CYBA: variants seen among roughly 807,000 people sequenced by gnomAD.
The protein encoded by CYBA is cytochrome b-245 light chain.
CYBA carries 21 observed loss-of-function variants against 20.8 expected under a neutral mutation model. That is an observed-to-expected ratio of 1.01 (90% CI 0.72 to 1.46). The LOEUF (loss-of-function observed/expected upper bound fraction) is 1.46, where lower values mean the gene tolerates loss of function less well. Ranked by LOEUF, CYBA falls within the 40% of genes most tolerant of loss-of-function variation. The pLI, the probability that CYBA is intolerant of heterozygous loss-of-function variation, is 0.00. For synonymous variants in CYBA, 164 were observed against 127.5 expected (o/e 1.29, Z -1.93); for missense variants, 344 against 287.0 (o/e 1.20, Z -1.43).
At chr16:88,644,550 C>A (rs1274756775) in intron 5 of CYBA, among the ~76,000 whole-genome samples, 1 of 152,226 alleles carries the variant, frequency 6.6e-6, no homozygotes, top group East Asian at 1.9e-4. Flanking sequence ...TCAGGCCGGG[C>A]GCGGTGGCTC....
intron 2 of CYBA, 192 bp downstream of exon 2, chr16:88,647,853 C>T (rs1398379954): frequency 1.2e-5 from 8 of 645,140 alleles, no homozygotes; most frequent in African/African-American, 8.9e-5. Context: ...GCGGGTCTGC[C>T]GCTGATCGCC....
intron 1 of CYBA, among the ~76,000 whole-genome samples, chr16:88,648,703 C>T (rs1244416173): frequency 5.3e-5 from 8 of 151,496 alleles, no homozygotes; most frequent in Non-Finnish European, 1.0e-4. Context: ...CTGCTACCTC[C>T]GCCTCCAGGG....
In CYBA at chr16:88,646,744, C is replaced by T. The variant is rs745863479; in HGVS notation, c.287+11G>A. 1.1e-5 allele frequency: 17 copies of T among 1,611,616 alleles called. No individual in the cohort carries two copies. The highest frequency in any genetic ancestry group is 3.3e-5 in the South Asian group (3 of 91,042). On this transcript the variant is annotated intron_variant, in intron 4 of 5. Transcript: ENST00000261623. ...CCTGAGCCCTAGAGGGGGTGCGGGACGGGGACTCACAGGAGATGCAGGACG... is the reference window on the plus strand; with the variant it reads ...CCTGAGCCCTAGAGGGGGTGCGGGATGGGGACTCACAGGAGATGCAGGACG...
In CYBA at chr16:88,648,157, G is replaced by A. The variant is rs201647266; in HGVS notation, c.59-43C>T. 9.2e-5 allele frequency: 144 copies of A among 1,559,794 alleles called. No individual in the cohort carries two copies. The African/African-American group carries it at 1.6e-3, about 17-fold the overall frequency. ...TCAGGCACTGTGGGGCTCCCGTCCC[G>A]GGGGCCTGGGCCACCCCCCTTCTCT... On this transcript the variant is annotated intron_variant, in intron 1 of 5. Coordinates refer to ENST00000261623, the MANE Select transcript of CYBA (RefSeq NM_000101.4).
At position 88,647,135 on chromosome 16, in the gene CYBA, C is replaced by T. The variant is rs1237822473; in HGVS notation, c.169G>A (p.Gly57Arg). The T allele has an allele frequency of 1.2e-6, 2 of 1,611,390 alleles. No homozygotes were observed. The highest frequency in any genetic ancestry group is 1.7e-6 in the Non-Finnish European group (2 of 1,179,820). ...ATGGTGGAGCCCTTCTTCCTCTTCC[C>T]CCGGGGGTACTCCAGCAGGCACACA... Reference protein sequence around the residue: ...VFVCLLEYPRGKRKKGSTMER... With the variant: ...VFVCLLEYPRRKRKKGSTMER... Residue 57 changes from glycine (G) to arginine (R), a missense_variant, in exon 3 of 6, where the codon GGG becomes AGG. Transcript: ENST00000261623.
intron 5 of CYBA, among the ~76,000 whole-genome samples, chr16:88,644,123 G>C (rs1907192011): frequency 6.6e-6 from 1 of 152,236 alleles, no homozygotes; most frequent in Non-Finnish European, 1.5e-5. Context: ...AGGTTCCACT[G>C]CAACAGGTCA....
At chr16:88,646,885 T>C in intron 3 of CYBA, 47 bp from the exon 4 acceptor site, 4 of 1,509,590 alleles carry the variant, frequency 2.6e-6, no homozygotes, top group Non-Finnish European at 3.7e-6. Context: ...CCTCTCCCAC[T>C]CGGGACTCCT....
intron 5 of CYBA, chr16:88,645,230 G>A (rs1907234513): frequency 1.4e-6 from 1 of 702,440 alleles, no homozygotes; most frequent in Non-Finnish European, 2.6e-6. Flanking sequence ...CAAAGCAACA[G>A]CCCAGATGAG....
intron 3 of CYBA, 21 bp from the exon 4 acceptor site, chr16:88,646,859 AGACGGCGC>A (rs1187376727): frequency 1.1e-5 from 17 of 1,598,692 alleles, no homozygotes; most frequent in Non-Finnish European, 1.4e-5. Flanking sequence ...GAGGAAGGCG[AGACGGCGC>A]GGCTGGGCCT....
intron 1 of CYBA, among the ~76,000 whole-genome samples, chr16:88,649,215 G>GCA (rs1224025878): frequency 1.3e-5 from 2 of 152,248 alleles, no homozygotes; most frequent in Non-Finnish European, 1.5e-5. Flanking sequence ...AGGATTACAG[G>GCA]TGTAGCCACC....
chr16:88,646,070 C>A, intron 5 of CYBA, 46 bp downstream of exon 5: 2 of 1,484,514 alleles, frequency 1.3e-6, no homozygotes, highest in East Asian at 2.5e-5. Flanking sequence ...AGGGCAGGGG[C>A]TGGGGATGGG....
At position 88,643,440 on chromosome 16, in the gene CYBA, G is replaced by A. The variant is rs1055333659; in HGVS notation, c.501C>T (p.Pro167=). 6.5e-7 allele frequency: 1 copy of A among 1,535,242 alleles called. No individual in the cohort carries two copies. Among genetic ancestry groups the A allele is most frequent in the Non-Finnish European group, 8.7e-7 (1 of 1,144,130 alleles). The change falls in exon 6 of 6, where the codon CCC becomes CCT. Residue 167 remains proline, a synonymous_variant. Transcript: ENST00000261623. The surrounding 1 kb of genome is among the most constrained non-coding windows in gnomAD (Gnocchi z 4.3). Reference sequence around the variant, plus strand: ...CCGCCACCGCAGCCTCCTCCTCGCTGGGCTTCTTGCGGGCCTCGGCCGGGG... The same window carrying A: ...CCGCCACCGCAGCCTCCTCCTCGCTAGGCTTCTTGCGGGCCTCGGCCGGGG... ...PRPPAEARKK[P]SEEEAAVAAG... is the part of the protein sequence containing the mutation.
chr16:88,644,300 TA>T (rs752759072), intron 5 of CYBA, among the ~76,000 whole-genome samples: 4 of 152,150 alleles, frequency 2.6e-5, no homozygotes, highest in Non-Finnish European at 4.4e-5. Context: ...AGAAGGCTGA[TA>T]GAAGAAAAGG....
At chr16:88,648,780 G>A (rs933569396) in intron 1 of CYBA, among the ~76,000 whole-genome samples, 1 of 151,640 alleles carries the variant, frequency 6.6e-6, no homozygotes, top group African/African-American at 2.4e-5. Context: ...ACCATGCCCA[G>A]CTAATTTTTA....
intron 1 of CYBA, among the ~76,000 whole-genome samples, chr16:88,649,060 C>T (rs1371974366): frequency 6.6e-6 from 1 of 151,812 alleles, no homozygotes; most frequent in Non-Finnish European, 1.5e-5. Flanking sequence ...GCCTCAGCCT[C>T]CCGAGTAGCT....
At chr16:88,648,620 GTT>G (rs532880870) in intron 1 of CYBA, among the ~76,000 whole-genome samples, 3 of 140,388 alleles carry the variant, frequency 2.1e-5, no homozygotes, top group Non-Finnish European at 3.1e-5. Context: ...CCCCCTTACT[GTT>G]TTTTTTTTTT....
chr16:88,649,802 C>T (rs1017993981), intron 1 of CYBA, among the ~76,000 whole-genome samples: 2 of 152,170 alleles, frequency 1.3e-5, no homozygotes, highest in African/African-American at 4.8e-5. Context: ...GGGCCAGGAG[C>T]CCCTGGAGGG....
chr16:88,645,588 C>T, intron 5 of CYBA: 1 of 614,484 alleles, frequency 1.6e-6, no homozygotes, highest in South Asian at 1.9e-5. Context: ...TCCTCCCACC[C>T]ATCCCTGGCC....
In CYBA at chr16:88,648,055, C is replaced by T; in HGVS notation, c.118G>A (p.Ala40Thr). Residue 40 changes from alanine to threonine, a missense_variant, in exon 2 of 6, where the codon GCC (alanine) becomes ACC (threonine). Transcript: ENST00000261623. ...AGRFTQWYFGAYSIVAGVFVC... is the reference protein window; with the variant it reads ...AGRFTQWYFGTYSIVAGVFVC... Reference sequence around the variant, plus strand: ...CAGGTGGAAGGATACATGGAGTAGGCACCAAAGTACCACTGGGTGAAGCGC... The same window carrying T: ...CAGGTGGAAGGATACATGGAGTAGGTACCAAAGTACCACTGGGTGAAGCGC... The T allele has an allele frequency of 2.5e-6, 4 of 1,612,796 alleles. No individual in the cohort carries two copies. Among genetic ancestry groups the T allele is most frequent in the Non-Finnish European group, 3.4e-6 (4 of 1,179,732 alleles).
Sources: allele counts gnomAD v4.1 joint callset (sites outside exome capture counted in the v4.1 genomes callset), GRCh38; gene constraint gnomAD v4.1.1; non-coding constraint Gnocchi (gnomAD v3.1); transcripts MANE v1.5; gene names NCBI Gene and HGNC (gene_info 2026-07-23, HGNC 2026-07-21).